The following MAGI2 variants were observed in gnomAD, a reference collection of about 807,000 sequenced individuals.
The protein encoded by MAGI2 is membrane associated guanylate kinase, WW and PDZ domain containing 2.
In MAGI2, 35 loss-of-function variants were observed where a neutral mutation model predicts 133.3. That is an observed-to-expected ratio of 0.26 (90% confidence interval 0.20 to 0.35). The LOEUF (loss-of-function observed/expected upper bound fraction) is 0.35, where lower values mean the gene tolerates loss of function less well. Ranked by LOEUF, MAGI2 falls within the 10% of genes least tolerant of loss-of-function variation. MAGI2 has a pLI of 1.00. For synonymous variants in MAGI2, 729 were observed against 710.6 expected, an observed-to-expected ratio of 1.03 and a Z score of -0.41; for missense variants, 1,636 against 1,863.4, an observed-to-expected ratio of 0.88 and a Z score of 2.25.
At chr7:78,591,845 G>A (rs1186536759) in intron 3 of MAGI2, among the ~76,000 whole-genome samples, 1 of 152,126 alleles carries the variant, frequency 6.6e-6, no homozygotes, top group Non-Finnish European at 1.5e-5. Context: ...ACCAAGATAA[G>A]AACATAAGAA....
chr7:79,003,535 C>T (rs190807833), intron 2 of MAGI2, among the ~76,000 whole-genome samples: 22 of 152,256 alleles, frequency 1.4e-4, no homozygotes, highest in African/African-American at 4.8e-4. Flanking sequence ...TTTCCTTCTA[C>T]GCTGCTGGGT....
At chr7:79,405,622 A>C (rs936762567) in intron 1 of MAGI2, among the ~76,000 whole-genome samples, 2 of 152,126 alleles carry the variant, frequency 1.3e-5, no homozygotes, top group African/African-American at 4.8e-5. Context: ...ATATTTGTAG[A>C]GAGATTACCA....
At chr7:78,973,623 C>G (rs1323410788) in intron 2 of MAGI2, among the ~76,000 whole-genome samples, 1 of 151,582 alleles carries the variant, frequency 6.6e-6, no homozygotes, top group Admixed American at 6.6e-5. Context: ...ACTGGAGAAG[C>G]CTTATTTCCT....
intron 9 of MAGI2, among the ~76,000 whole-genome samples, chr7:78,314,649 T>G (rs2151103774): frequency 6.6e-6 from 1 of 152,310 alleles, no homozygotes; most frequent in East Asian, 1.9e-4. Flanking sequence ...GTTGATTGTT[T>G]TTCAGCCTAT....
At chr7:79,314,263 C>G (rs1476111993) in intron 1 of MAGI2, among the ~76,000 whole-genome samples, 1 of 151,924 alleles carries the variant, frequency 6.6e-6, no homozygotes, top group East Asian at 1.9e-4. Flanking sequence ...CATGAGCCAC[C>G]CTTCTTGGCC....
At position 78,053,368 on chromosome 7, in the gene MAGI2, G is replaced by A. The variant is rs570454643; in HGVS notation, c.3706+25579C>T. Reference sequence around the variant, plus strand: ...ATAGAAGCTGTCCCAGGACTGTGTTGTCCCCTGTCTGAGGGTGCAGGGAAT... The same window carrying A: ...ATAGAAGCTGTCCCAGGACTGTGTTATCCCCTGTCTGAGGGTGCAGGGAAT... On this transcript the variant is annotated intron_variant, in intron 21 of 21. Coordinates refer to ENST00000354212, the MANE Select transcript of MAGI2 (RefSeq NM_012301.4). 2.0e-5 allele frequency among the ~76,000 whole-genome samples: 3 copies of A among 152,320 alleles called. No individual in the cohort carries two copies. In the East Asian group the frequency reaches 5.8e-4, roughly 29 times the overall value.
chr7:78,556,254 G>A (rs899938944), intron 3 of MAGI2, among the ~76,000 whole-genome samples: 1 of 152,134 alleles, frequency 6.6e-6, no homozygotes, highest in Admixed American at 6.5e-5. Context: ...CTTATGGTTA[G>A]GGGCAAAACA....
chr7:78,021,557 A>G (rs573983051), intron 21 of MAGI2, among the ~76,000 whole-genome samples: 1 of 152,372 alleles, frequency 6.6e-6, no homozygotes, highest in East Asian at 1.9e-4. Context: ...TAAAGCAATA[A>G]GGAGAGGAAA....
rs922819183 is a variant in MAGI2 at position 79,453,610 on chromosome 7, T to TCGG, written c.-293_-291dup. On this transcript the variant is annotated 5_prime_UTR_variant, in exon 1 of 22. Coordinates refer to ENST00000354212, the MANE Select transcript of MAGI2 (RefSeq NM_012301.4). ...AGCAGAGGAAGCAGTGGTGGTGGCG[T>TCGG]CGGCGGCGGCGGCGGCGGCAGCCGG... is the stretch of plus-strand genomic sequence containing the variant. 1.6e-4 allele frequency: 163 copies of TCGG among 1,013,050 alleles called. No individual in the cohort carries two copies. The highest frequency in any genetic ancestry group is 9.6e-4 in the South Asian group (23 of 23,948). The allele number at this position is 1,013,050 out of a possible 1,614,324, so 62.8% of individuals were successfully genotyped here. A position where few individuals can be genotyped will look rare whatever the true frequency, so the allele number is the denominator to read the frequency against.
intron 2 of MAGI2, chr7:78,901,432 T>A (rs1164243543): frequency 6.6e-6 from 1 of 152,216 alleles, no homozygotes; most frequent in Non-Finnish European, 1.5e-5. Context: ...GCTAAGAAGT[T>A]TGGAAATAGA....
intron 1 of MAGI2, among the ~76,000 whole-genome samples, chr7:79,405,311 C>A: frequency 6.6e-6 from 1 of 152,212 alleles, no homozygotes; most frequent in East Asian, 1.9e-4. Context: ...TTTAGCTGTT[C>A]AAAATGTTAT....
intron 1 of MAGI2, among the ~76,000 whole-genome samples, chr7:79,285,462 CAG>C (rs1268449501): frequency 6.6e-6 from 1 of 152,070 alleles, no homozygotes; most frequent in Non-Finnish European, 1.5e-5. Flanking sequence ...ATATTCACCT[CAG>C]TGTCTGATGT....
At chr7:79,176,857 C>T (rs1264283346) in intron 1 of MAGI2, 6 of 133,610 alleles carry the variant, frequency 4.5e-5, no homozygotes, top group African/African-American at 1.6e-4. Flanking sequence ...AATTTGAAAT[C>T]TTTTCTTGAT....
chr7:78,748,243 T>C (rs1478989433), intron 2 of MAGI2, among the ~76,000 whole-genome samples: 1 of 152,202 alleles, frequency 6.6e-6, no homozygotes, highest in Non-Finnish European at 1.5e-5. Flanking sequence ...TTTGGAATTA[T>C]GAAACTTTCA....
intron 1 of MAGI2, among the ~76,000 whole-genome samples, chr7:79,118,841 A>G (rs1819633709): frequency 6.6e-6 from 1 of 152,076 alleles, no homozygotes; most frequent in Non-Finnish European, 1.5e-5. Context: ...GCTTCTTTAT[A>G]TATATCAATT....
intron 6 of MAGI2, among the ~76,000 whole-genome samples, chr7:78,384,670 T>C (rs781435426): frequency 7.9e-5 from 12 of 152,198 alleles, no homozygotes; most frequent in Non-Finnish European, 1.6e-4. Context: ...AAAATCCTAC[T>C]GTTTAAAATC....
At position 78,650,173 on chromosome 7, in the gene MAGI2, C is replaced by T. The variant is rs375838532; in HGVS notation, c.419-22934G>A. Among the ~76,000 whole-genome samples the T allele has an allele frequency of 3.4e-4, 52 of 152,186 alleles. 1 individual carries two copies. The South Asian group carries it at 0.01, about 30-fold the overall frequency. ...AGGGGTTTGGAATTTGGTCAACAAC[C>T]GCAAGCACTGATACTACATGAGAGA... On this transcript the variant is annotated intron_variant, in intron 2 of 21. Coordinates refer to ENST00000354212, the MANE Select transcript of MAGI2 (RefSeq NM_012301.4).
At chr7:78,261,764 G>T (rs929088418) in intron 9 of MAGI2, among the ~76,000 whole-genome samples, 4 of 152,050 alleles carry the variant, frequency 2.6e-5, no homozygotes, top group Non-Finnish European at 4.4e-5. Context: ...TTTCCTCTCG[G>T]TTAATAAGAT....
chr7:78,622,645 C>T (rs1245772864), intron 3 of MAGI2, among the ~76,000 whole-genome samples: 1 of 151,846 alleles, frequency 6.6e-6, no homozygotes, highest in African/African-American at 2.4e-5. Flanking sequence ...AGTGGTAGCC[C>T]TAGGTCTAGA....
Sources: allele counts gnomAD v4.1 joint callset (sites outside exome capture counted in the v4.1 genomes callset), GRCh38; gene constraint gnomAD v4.1.1; transcripts MANE v1.5; gene names NCBI Gene and HGNC (gene_info 2026-07-23, HGNC 2026-07-21).